Variants in CNTN6 observed in about 807,000 individuals in gnomAD.
CNTN6 encodes the protein contactin 6, also known as contactin-6.
CNTN6 carries 137 observed loss-of-function variants against 122.8 expected under a neutral mutation model. That is an observed-to-expected ratio of 1.12 (90% confidence interval 0.97 to 1.29). The LOEUF (loss-of-function observed/expected upper bound fraction) is 1.29, where lower values mean the gene tolerates loss of function less well. Among genes scored for constraint, CNTN6 ranks in the 50% most tolerant of loss-of-function variants. The pLI, the probability that CNTN6 is intolerant of heterozygous loss-of-function variation, is 0.00. For missense variants in CNTN6, 1,634 were observed against 1,223.4 expected (o/e 1.34, Z -5.01); for synonymous variants, 570 against 426.0 (o/e 1.34, Z -4.16).
intron 7 of CNTN6, among the ~76,000 whole-genome samples, chr3:1,306,233 T>C (rs757975277): frequency 1.3e-5 from 2 of 152,162 alleles, no homozygotes; most frequent in South Asian, 2.1e-4. Flanking sequence ...CAGAAATGTA[T>C]ACTGAAACCT....
At chr3:1,249,050 G>A (rs7615660) in intron 4 of CNTN6, among the ~76,000 whole-genome samples, 83 of 152,248 alleles carry the variant, frequency 5.5e-4, no homozygotes, top group African/African-American at 1.9e-3. Context: ...TGTTTAACAA[G>A]ATCACAGGTA....
intron 2 of CNTN6, among the ~76,000 whole-genome samples, chr3:1,149,330 T>C (rs1172574467): frequency 1.3e-5 from 2 of 152,152 alleles, no homozygotes; most frequent in African/African-American, 4.8e-5. Context: ...CCCCCGACTA[T>C]GTGTTGATAG....
chr3:1,099,412 T>A (rs189508828), intron 1 of CNTN6, among the ~76,000 whole-genome samples: 1 of 152,048 alleles, frequency 6.6e-6, no homozygotes, highest in Non-Finnish European at 1.5e-5. Context: ...GATTGAGCCA[T>A]TACACTCCAG....
chr3:1,291,960 C>G (rs1695400372), intron 5 of CNTN6, among the ~76,000 whole-genome samples: 1 of 152,082 alleles, frequency 6.6e-6, no homozygotes, highest in Non-Finnish European at 1.5e-5. Context: ...TTAGGGAGAT[C>G]AAAGGAATGT....
intron 11 of CNTN6, among the ~76,000 whole-genome samples, chr3:1,342,394 T>C (rs1026535274): frequency 3.3e-5 from 5 of 152,084 alleles, no homozygotes; most frequent in Non-Finnish European, 5.9e-5. Flanking sequence ...TCCCAAAGCG[T>C]TGGGATTAAA....
chr3:1,179,509 C>G (rs563683312), intron 2 of CNTN6, among the ~76,000 whole-genome samples: 1 of 152,054 alleles, frequency 6.6e-6, no homozygotes, highest in Non-Finnish European at 1.5e-5. Context: ...TGGCTGCCTC[C>G]GTGTTCCAGT....
At chr3:1,335,414 C>T (rs1037733791) in intron 11 of CNTN6, among the ~76,000 whole-genome samples, 3 of 152,114 alleles carry the variant, frequency 2.0e-5, no homozygotes, top group Non-Finnish European at 4.4e-5. Flanking sequence ...GAATCAATTC[C>T]ACATCTGCTA....
At chr3:1,300,791 TTCTC>T (rs573219790) in intron 7 of CNTN6, among the ~76,000 whole-genome samples, 5 of 151,128 alleles carry the variant, frequency 3.3e-5, no homozygotes, top group African/African-American at 7.3e-5. Flanking sequence ...TACATTCCCT[TTCTC>T]TCTCTCTCTC....
chr3:1,165,582 ACACT>A (rs1408688154), intron 2 of CNTN6, among the ~76,000 whole-genome samples: 1 of 152,082 alleles, frequency 6.6e-6, no homozygotes, highest in Non-Finnish European at 1.5e-5. Flanking sequence ...CTACACACAC[ACACT>A]CACTTCTACA....
chr3:1,325,924 A>T lies in CNTN6; in HGVS notation c.1056A>T (p.Leu352Phe). 1.2e-6 allele frequency: 2 copies of T among 1,611,014 alleles called. No homozygotes were observed. Among genetic ancestry groups the T allele is most frequent in the Non-Finnish European group, 8.5e-7 (1 of 1,178,194 alleles). The change falls in exon 9 of 23, where the codon TTA (leucine) becomes TTT (phenylalanine). Residue 352 changes from leucine (L) to phenylalanine (F), a missense_variant. Transcript: ENST00000446702. Reference sequence around the variant, plus strand: ...AGCCAAACCCTTGGTATACATGGTTAAAAAATGGTGAACGACTCAACCCAG... The same window carrying T: ...AGCCAAACCCTTGGTATACATGGTTTAAAAATGGTGAACGACTCAACCCAG... ...SGKPNPWYTW[L>F]KNGERLNPEE...
chr3:1,177,407 G>A (rs1288409719), intron 2 of CNTN6, among the ~76,000 whole-genome samples: 13 of 152,124 alleles, frequency 8.5e-5, no homozygotes, highest in Admixed American at 1.3e-4. Context: ...GTGATACTCT[G>A]CAACTTCTTT....
At chr3:1,386,165 A>AAGTC (rs1354581811) in intron 20 of CNTN6, among the ~76,000 whole-genome samples, 6 of 152,152 alleles carry the variant, frequency 3.9e-5, no homozygotes, top group African/African-American at 1.4e-4. Flanking sequence ...AATGAGGAAA[A>AAGTC]AGTCATATTT....
chr3:1,295,765 G>T lies in CNTN6; in HGVS notation c.619G>T (p.Val207Phe), dbSNP rs1193316603. Residue 207 changes from valine (V) to phenylalanine (F), a missense_variant, in exon 6 of 23, where the codon GTT (valine) becomes TTT (phenylalanine). Val to Phe is a conservative substitution (Grantham distance 50). Transcript: ENST00000446702. ...AACTAACAAAGAGGCCCAGAGAAGT[G>T]TTCAAGGTCCACCCACTCCATTAGT... Reference protein sequence around the residue: ...FITNKEAQRSVQGPPTPLVQR... With the variant: ...FITNKEAQRSFQGPPTPLVQR... 4 of 1,613,972 alleles carry T rather than the reference G, an allele frequency of 2.5e-6. No homozygotes were observed. The highest frequency in any genetic ancestry group is 3.4e-6 in the Non-Finnish European group (4 of 1,179,884).
intron 20 of CNTN6, among the ~76,000 whole-genome samples, chr3:1,399,883 T>C (rs1695464986): frequency 6.6e-6 from 1 of 152,100 alleles, no homozygotes; most frequent in Non-Finnish European, 1.5e-5. Flanking sequence ...AAACCTATAA[T>C]AAAATATGAA....
intron 1 of CNTN6, among the ~76,000 whole-genome samples, chr3:1,147,673 A>G (rs2092751383): frequency 6.6e-6 from 1 of 152,076 alleles, no homozygotes; most frequent in Non-Finnish European, 1.5e-5. Context: ...GCAGCACAAT[A>G]TTAATTTTTC....
At chr3:1,245,225 T>TATATATAAC (rs2094549064) in intron 4 of CNTN6, among the ~76,000 whole-genome samples, 2 of 17,256 alleles carry the variant, frequency 1.2e-4, no homozygotes, top group African/African-American at 2.9e-4. Flanking sequence ...TATATATATA[T>TATATATAAC]ATATATATAT....
intron 11 of CNTN6, among the ~76,000 whole-genome samples, chr3:1,346,175 T>C (rs1409869272): frequency 1.3e-5 from 2 of 152,160 alleles, no homozygotes; most frequent in Non-Finnish European, 2.9e-5. Context: ...ATATTAGATT[T>C]GTTATAGTGA....
intron 4 of CNTN6, among the ~76,000 whole-genome samples, chr3:1,270,289 A>G (rs2095002223): frequency 6.6e-6 from 1 of 152,232 alleles, no homozygotes; most frequent in Non-Finnish European, 1.5e-5. Context: ...AACATGAACA[A>G]TTTTGGTATT....
intron 11 of CNTN6, 49 bp downstream of exon 11, chr3:1,329,984 C>A (rs1575729125): frequency 1.4e-6 from 2 of 1,406,660 alleles, no homozygotes; most frequent in East Asian, 2.7e-5. Flanking sequence ...AATATAACAT[C>A]TTCCAAATTT....
Sources: gnomAD v4.1 joint callset for allele counts (sites outside exome capture counted in the v4.1 genomes callset) on GRCh38, gnomAD v4.1.1 for gene constraint, MANE v1.5 for transcripts, NCBI Gene and HGNC (gene_info 2026-07-23, HGNC 2026-07-21) for gene names.